Variants in SARDH observed in about 807,000 individuals in gnomAD.
The protein encoded by SARDH is sarcosine dehydrogenase, mitochondrial.
In SARDH, 95 loss-of-function variants were observed where a neutral mutation model predicts 109.1. The observed-to-expected ratio is 0.87, with a 90% CI of 0.74 to 1.03. The LOEUF is 1.03. Among genes scored for constraint, SARDH ranks in the 50% least tolerant of loss-of-function variants. The pLI is 0.00. For missense variants in SARDH, 1,267 were observed against 1,287.8 expected (o/e 0.98, Z 0.25); for synonymous variants, 572 against 534.8 (o/e 1.07, Z -0.96).
intron 8 of SARDH, among the ~76,000 whole-genome samples, chr9:133,713,803 G>A (rs1311849079): frequency 2.0e-5 from 3 of 152,206 alleles, no homozygotes; most frequent in African/African-American, 7.2e-5. Flanking sequence ...TCGCCTCTCT[G>A]AGCAAGGCTT....
At chr9:133,738,559 C>T (rs187131018), upstream of SARDH, among the ~76,000 whole-genome samples, 3 of 152,196 alleles carry the variant, frequency 2.0e-5, no homozygotes, top group South Asian at 4.1e-4. Flanking sequence ...GTCACCCTTC[C>T]GCTCCAACCC....
intron 4 of SARDH, 48 bp from the exon 5 acceptor site, chr9:133,730,235 G>A: frequency 6.2e-7 from 1 of 1,604,336 alleles, no homozygotes; most frequent in Non-Finnish European, 8.5e-7. Flanking sequence ...ACTCCCCGGG[G>A]GTGCTTCCCA....
At chr9:133,734,694 C>T (rs1832822851) in intron 1 of SARDH, among the ~76,000 whole-genome samples, 1 of 152,114 alleles carries the variant, frequency 6.6e-6, no homozygotes, top group Non-Finnish European at 1.5e-5. Context: ...AGTGGGCTGC[C>T]CCGTGAGGCC....
intron 10 of SARDH, among the ~76,000 whole-genome samples, chr9:133,710,711 C>T (rs1438030414): frequency 1.3e-5 from 2 of 152,266 alleles, no homozygotes; most frequent in African/African-American, 2.4e-5. Context: ...TTGTCTCAGT[C>T]CCCGGGCGCA....
In SARDH at chr9:133,683,421, C is replaced by A. The variant is rs1017458432; in HGVS notation, c.2163+1772G>T. Among the ~76,000 whole-genome samples the A allele has an allele frequency of 1.3e-5, 2 of 152,346 alleles. 1 individual carries two copies. Among genetic ancestry groups the A allele is most frequent in the South Asian group, 4.1e-4 (2 of 4,828 alleles). On this transcript the variant is annotated intron_variant, in intron 17 of 20. Transcript: ENST00000439388. Reference sequence around the variant, plus strand: ...GCAAGGTGGGAGAACCCGCAGCCCCCCTCCCCTTCTGCAAACCAGAACCCA... The same window carrying A: ...GCAAGGTGGGAGAACCCGCAGCCCCACTCCCCTTCTGCAAACCAGAACCCA...
downstream of SARDH, among the ~76,000 whole-genome samples, chr9:133,663,315 C>T (rs768432313): frequency 2.2e-4 from 33 of 152,226 alleles, no homozygotes; most frequent in Non-Finnish European, 3.8e-4. Context: ...ACCTGAAGAA[C>T]AGGGAGGTCG....
At chr9:133,737,431 A>G (rs1028482016) in intron 1 of SARDH, among the ~76,000 whole-genome samples, 9 of 152,108 alleles carry the variant, frequency 5.9e-5, no homozygotes, top group African/African-American at 1.9e-4. Flanking sequence ...GTGTCTGTAC[A>G]TACCTTCAGT....
At chr9:133,679,196 T>C (rs1179238012) in intron 17 of SARDH, among the ~76,000 whole-genome samples, 1 of 152,222 alleles carries the variant, frequency 6.6e-6, no homozygotes, top group Non-Finnish European at 1.5e-5. Flanking sequence ...CACCAGTCTC[T>C]CTGTGCTGCA....
At chr9:133,703,945 T>A (rs1370875758) in intron 12 of SARDH, among the ~76,000 whole-genome samples, 3 of 152,054 alleles carry the variant, frequency 2.0e-5, no homozygotes, top group Non-Finnish European at 4.4e-5. Flanking sequence ...AATCCGCCCA[T>A]CTTGGGACCT....
Position 133,685,293 on chromosome 9 carries a change from G to A in SARDH, c.2070-7C>T. ...CTCCTGCAAAATGGCTCGGCTGCAGGCAAGAGCAAAGTCGCTCAGTCAGCA... is the reference window on the plus strand; with the variant it reads ...CTCCTGCAAAATGGCTCGGCTGCAGACAAGAGCAAAGTCGCTCAGTCAGCA... On this transcript the variant is annotated splice_region_variant and splice_polypyrimidine_tract_variant and intron_variant, in intron 16 of 20. Coordinates refer to ENST00000439388, the MANE Select transcript of SARDH (RefSeq NM_001134707.2). 1 of 1,612,642 alleles carries A rather than the reference G, an allele frequency of 6.2e-7. No individual in the cohort carries two copies. Among genetic ancestry groups the A allele is most frequent in the Non-Finnish European group, 8.5e-7 (1 of 1,179,664 alleles).
rs1020459268 is a variant in SARDH at position 133,729,973 on chromosome 9, C to T, written c.814+91G>A. 9 of 1,590,562 alleles carry T rather than the reference C, an allele frequency of 5.7e-6. No individual in the cohort carries two copies. The Admixed American group carries it at 1.4e-4, about 24-fold the overall frequency. ...ACCTGTCTGCCCTAGCAGGGGCTCC[C>T]CACCCCAGAAAGAAGCCCTGCAGAG... On this transcript the variant is annotated intron_variant, in intron 5 of 20. Coordinates refer to ENST00000439388, the MANE Select transcript of SARDH (RefSeq NM_001134707.2).
intron 1 of SARDH, among the ~76,000 whole-genome samples, chr9:133,734,428 C>CTCACTCAT (rs1832810169): frequency 7.0e-6 from 1 of 143,024 alleles, no homozygotes; most frequent in Non-Finnish European, 1.5e-5. Context: ...CATTCATTCA[C>CTCACTCAT]TCATTCATTC....
At position 133,692,556 on chromosome 9, in the gene SARDH, C is replaced by T. The variant is rs1025805677; in HGVS notation, c.1921+1702G>A. Among the ~76,000 whole-genome samples, 1 of 152,188 alleles carries T rather than the reference C, an allele frequency of 6.6e-6. No individual in the cohort carries two copies. Among genetic ancestry groups the T allele is most frequent in the Admixed American group, 6.5e-5 (1 of 15,286 alleles). On this transcript the variant is annotated intron_variant, in intron 15 of 20. Coordinates refer to ENST00000439388, the MANE Select transcript of SARDH (RefSeq NM_001134707.2). The surrounding 1 kb of genome is among the most constrained non-coding windows in gnomAD (Gnocchi z 5.0). Reference sequence around the variant, plus strand: ...CTCTCCTCCAGGAAGCCTTGCTCATCCCGGCTCGGCGGCTTCACATGGCCT... The same window carrying T: ...CTCTCCTCCAGGAAGCCTTGCTCATTCCGGCTCGGCGGCTTCACATGGCCT...
downstream of SARDH, among the ~76,000 whole-genome samples, chr9:133,660,761 G>A (rs917506161): frequency 1.3e-5 from 2 of 152,196 alleles, no homozygotes; most frequent in African/African-American, 2.4e-5. Flanking sequence ...GAATGCTCAT[G>A]CCCATCAGTG....
chr9:133,716,064 T>G (rs963595689), intron 8 of SARDH, among the ~76,000 whole-genome samples: 1 of 152,232 alleles, frequency 6.6e-6, no homozygotes, highest in Non-Finnish European at 1.5e-5. Flanking sequence ...GCCCACCTGG[T>G]GCTCCCCTGC....
intron 17 of SARDH, among the ~76,000 whole-genome samples, chr9:133,681,513 G>A (rs1476230218): frequency 6.6e-6 from 1 of 152,148 alleles, no homozygotes; most frequent in African/African-American, 2.4e-5. Flanking sequence ...CCCTTCCTGG[G>A]CCCCAACCTC....
chr9:133,679,853 G>A lies in SARDH; in HGVS notation c.2163+5340C>T, dbSNP rs368926406. ...GGTCTTTGGGCAGCGGCAGGCGCCC[G>A]CTCTCGCACCCGGGGCCCGGGTCTG... On this transcript the variant is annotated intron_variant, in intron 17 of 20. Transcript: ENST00000439388. Among the ~76,000 whole-genome samples, 7 of 152,308 alleles carry A rather than the reference G, an allele frequency of 4.6e-5. No homozygotes were observed. The East Asian group carries it at 9.7e-4, about 21-fold the overall frequency.
intron 16 of SARDH, among the ~76,000 whole-genome samples, chr9:133,687,261 G>GTTTTGGTTTGTTTTGTTTCA (rs1369335740): frequency 6.6e-6 from 1 of 152,142 alleles, no homozygotes; most frequent in Non-Finnish European, 1.5e-5. Flanking sequence ...AAGGATATTG[G>GTTTTGGTTTGTTTTGTTTCA]TTTTGGTTTG....
chr9:133,702,698 C>A (rs1297758946), intron 13 of SARDH, among the ~76,000 whole-genome samples: 2 of 152,180 alleles, frequency 1.3e-5, no homozygotes, highest in African/African-American at 4.8e-5. Flanking sequence ...CCGCTCAGGC[C>A]TGGCTGCTGG....
Sources: allele counts gnomAD v4.1 joint callset (sites outside exome capture counted in the v4.1 genomes callset), GRCh38; gene constraint gnomAD v4.1.1; non-coding constraint Gnocchi (gnomAD v3.1); transcripts MANE v1.5; gene names NCBI Gene and HGNC (gene_info 2026-07-23, HGNC 2026-07-21).